LSS: variants seen among roughly 807,000 people sequenced by gnomAD.
LSS encodes lanosterol synthase, also known as 2,3-epoxysqualene-lanosterol cyclase.
LSS carries 90 observed loss-of-function variants against 110.3 expected under a neutral mutation model. The observed-to-expected ratio is 0.82, with a 90% CI of 0.69 to 0.97. The LOEUF is 0.97. Ranked by LOEUF, LSS falls within the 50% of genes least tolerant of loss-of-function variation. The pLI is 0.00. For missense variants in LSS, 927 were observed against 990.0 expected (o/e 0.94, Z 0.85); for synonymous variants, 433 against 400.0 (o/e 1.08, Z -0.98).
intron 10 of LSS, 109 bp from the exon 11 acceptor site, chr21:46,213,161 C>T (rs2080156374): frequency 2.8e-6 from 3 of 1,053,656 alleles, no homozygotes; most frequent in Non-Finnish European, 4.3e-6. Context: ...TGTCCCCTCC[C>T]GAGGCCTGGC....
Position 46,209,687 on chromosome 21 carries a change from G to C in LSS, c.1195-62C>G, listed in dbSNP as rs915603324. Reference sequence around the variant, plus strand: ...CTTGCACGGCCAGCATGGCTGCGCTGGTTTCCCGATGGTCCTGGCCACATC... The same window carrying C: ...CTTGCACGGCCAGCATGGCTGCGCTCGTTTCCCGATGGTCCTGGCCACATC... On this transcript the variant is annotated intron_variant, in intron 12 of 21. Transcript: ENST00000397728. The surrounding 1 kb of genome is among the most constrained non-coding windows in gnomAD (Gnocchi z 4.4). The C allele has an allele frequency of 6.9e-7, 1 of 1,449,238 alleles. No individual in the cohort carries two copies. The highest frequency in any genetic ancestry group is 1.9e-5 in the Admixed American group (1 of 52,516). The allele number at this position is 1,449,238 out of a possible 1,614,324, so 89.8% of individuals were successfully genotyped here. A position where few individuals can be genotyped will look rare whatever the true frequency, so the allele number is the denominator to read the frequency against.
intron 20 of LSS, chr21:46,193,630 T>C (rs746450943): frequency 2.3e-6 from 1 of 444,302 alleles, no homozygotes; most frequent in South Asian, 1.6e-5. Flanking sequence ...CATAGACCTG[T>C]GTGTGCATCT....
chr21:46,200,582 G>T (rs2079966444), intron 17 of LSS, among the ~76,000 whole-genome samples: 1 of 151,466 alleles, frequency 6.6e-6, no homozygotes, highest in African/African-American at 2.4e-5. Flanking sequence ...AAAACACTGA[G>T]GATATTCTAC....
intron 4 of LSS, chr21:46,222,388 CAT>C (rs1453197487): frequency 2.5e-5 from 14 of 562,804 alleles, no homozygotes; most frequent in Non-Finnish European, 4.4e-5. Flanking sequence ...ACAGTTTTCA[CAT>C]GTGGGTCTCA....
intron 6 of LSS, among the ~76,000 whole-genome samples, chr21:46,217,256 AAG>A (rs869244964): frequency 0.27 from 34,406 of 125,822 alleles, 5,342 homozygotes; most frequent in Admixed American, 0.39. Context: ...AAAAAAAAAA[AAG>A]AAAAGAAAAA....
At chr21:46,212,925 C>A in intron 11 of LSS, 100 bp downstream of exon 11, 1 of 1,442,264 alleles carries the variant, frequency 6.9e-7, no homozygotes, top group Non-Finnish European at 9.7e-7. Flanking sequence ...GCTGCCGGGA[C>A]CTGGTCCAGG....
At position 46,196,230 on chromosome 21, in the gene LSS, G is replaced by C. The variant is rs1457950306; in HGVS notation, c.1708C>G (p.Gln570Glu). The C allele has an allele frequency of 1.9e-6, 3 of 1,614,024 alleles. No individual in the cohort carries two copies. In the East Asian group the frequency reaches 6.7e-5, roughly 36 times the overall value. The change falls in exon 18 of 22, where the codon CAG becomes GAG. Residue 570 changes from glutamine (Q) to glutamate (E), a missense_variant. Transcript: ENST00000397728. ...LTQGLEFCRR[Q>E]QRADGSWEGS... The stretch of plus-strand genomic sequence containing the variant: ...TCCCAGGAGCCATCGGCCCTCTGCT[G>C]CCGCCGACAGAACTCTAAGCCCTGC...
Position 46,216,206 on chromosome 21 carries a change from C to T in LSS, c.783+183G>A, listed in dbSNP as rs997599823. Among the ~76,000 whole-genome samples, 3 of 152,216 alleles carry T rather than the reference C, an allele frequency of 2.0e-5. No individual in the cohort carries two copies. The highest frequency in any genetic ancestry group is 2.0e-4 in the Admixed American group (3 of 15,292). On this transcript the variant is annotated intron_variant, in intron 7 of 21. Transcript: ENST00000397728. This position sits in a 1 kb window ranked among gnomAD's most constrained non-coding sequence, Gnocchi z 4.2. ...CTGACTGTCCCATAGCACAAGTCCCCTCTGGGCAGAGCTTGCTCACTGTTT... is the reference window on the plus strand; with the variant it reads ...CTGACTGTCCCATAGCACAAGTCCCTTCTGGGCAGAGCTTGCTCACTGTTT...
At chr21:46,197,959 G>A (rs1402393707) in intron 17 of LSS, among the ~76,000 whole-genome samples, 3 of 151,738 alleles carry the variant, frequency 2.0e-5, no homozygotes, top group East Asian at 3.9e-4. Context: ...TACTAAGGTC[G>A]ATCTCAGAAA....
intron 14 of LSS, 109 bp from the exon 15 acceptor site, chr21:46,207,686 C>T (rs2080071323): frequency 1.5e-6 from 2 of 1,293,736 alleles, no homozygotes; most frequent in African/African-American, 1.5e-5. Flanking sequence ...CCGGTCAGGG[C>T]AGGGGCCCAG....
Position 46,213,106 on chromosome 21 carries a change from C to G in LSS, c.1110-54G>C, listed in dbSNP as rs940696659. 12 of 1,570,520 alleles carry G rather than the reference C, an allele frequency of 7.6e-6. No homozygotes were observed. In the African/African-American group the frequency reaches 1.6e-4, roughly 21 times the overall value. On this transcript the variant is annotated intron_variant, in intron 10 of 21. Transcript: ENST00000397728. Reference sequence around the variant, plus strand: ...TGCAAGGAGAAAGCTGGAAGCCCAGCTGCTACCCAGACCCTGCACTCAGGA... The same window carrying G: ...TGCAAGGAGAAAGCTGGAAGCCCAGGTGCTACCCAGACCCTGCACTCAGGA...
In LSS at chr21:46,225,913, C is replaced by T. The variant is rs185547364; in HGVS notation, c.319+1639G>A. On this transcript the variant is annotated intron_variant, in intron 3 of 21. Coordinates refer to ENST00000397728, the MANE Select transcript of LSS (RefSeq NM_002340.6). The stretch of plus-strand genomic sequence containing the variant: ...GTTTCCACGTCTTGGTGGTAGTGGT[C>T]CCCCGGGCCCAGCTGTCTTTTCTTT... Among the ~76,000 whole-genome samples, 1,302 of 152,208 alleles carry T rather than the reference C, an allele frequency of 8.6e-3. 16 individuals are homozygous for T. The highest frequency in any genetic ancestry group is 0.03 in the African/African-American group (1,246 of 41,518).
chr21:46,216,673 T>C lies in LSS; in HGVS notation c.648-149A>G. On this transcript the variant is annotated intron_variant, in intron 6 of 21. Transcript: ENST00000397728. This position sits in a 1 kb window ranked among gnomAD's most constrained non-coding sequence, Gnocchi z 4.2. The stretch of plus-strand genomic sequence containing the variant: ...TGCATCTGCGGGCATTTCCCAACCG[T>C]GCTCCTGAGGGGCACAGTTGAACCA... 1 of 1,068,522 alleles carries C rather than the reference T, an allele frequency of 9.4e-7. No individual in the cohort carries two copies. Among genetic ancestry groups the C allele is most frequent in the Non-Finnish European group, 1.3e-6 (1 of 766,102 alleles). 66.2% of individuals were successfully genotyped at this position (1,068,522 alleles called of 1,614,324 possible).
Position 46,206,735 on chromosome 21 carries a change from C to T in LSS, c.1501G>A (p.Ala501Thr), listed in dbSNP as rs1164606337. Residue 501 changes from alanine to threonine, a missense_variant, in exon 16 of 22, where the codon GCC becomes ACC. Transcript: ENST00000397728. ...CCCCCACGCTTGGTCTCATAGGTGG[C>T]GAACCCTCCATCTGGATTTCTCATG... Reference protein sequence around the residue: ...LNMRNPDGGFATYETKRGGHL... With the variant: ...LNMRNPDGGFTTYETKRGGHL... 3.7e-6 allele frequency: 6 copies of T among 1,612,646 alleles called. No homozygotes were observed. Among genetic ancestry groups the T allele is most frequent in the Admixed American group, 1.7e-5 (1 of 60,018 alleles).
intron 6 of LSS, among the ~76,000 whole-genome samples, chr21:46,219,066 G>A (rs2080242016): frequency 6.6e-6 from 1 of 152,164 alleles, no homozygotes; most frequent in Non-Finnish European, 1.5e-5. Flanking sequence ...TGAGTCCACA[G>A]GTGAGGTGTC....
In LSS at chr21:46,205,869, T is replaced by C. The variant is rs1483440787; in HGVS notation, c.1637A>G (p.Lys546Arg). 6.8e-6 allele frequency: 11 copies of C among 1,610,478 alleles called. No homozygotes were observed. In the Admixed American group the frequency reaches 1.7e-4, roughly 25 times the overall value. The change falls in exon 17 of 22, where the codon AAG (lysine) becomes AGG (arginine). Residue 546 changes from lysine to arginine, a missense_variant. By Grantham distance (26) the Lys-to-Arg change is conservative. Transcript: ENST00000397728. ...AVMQALKYFH[K>R]RFPEHRAAEI... ...CGCTGCCCTGTGCTCCGGGAAACGC[T>C]TGTGGAAATACTTAAGCGCCTGCAT...
At position 46,189,712 on chromosome 21, in the gene LSS, G is replaced by A; in HGVS notation, c.*1392C>T. 2.2e-6 allele frequency: 1 copy of A among 456,876 alleles called. No homozygotes were observed. Among genetic ancestry groups the A allele is most frequent in the South Asian group, 1.5e-5 (1 of 64,564 alleles). 28.3% of individuals were successfully genotyped at this position (456,876 alleles called of 1,614,324 possible). ...GGGAGAGTGATCAGCCAGGGGGAGA[G>A]GCCAGGGACTGCTACCTGCCCAGAA... On this transcript the variant is annotated 3_prime_UTR_variant, in exon 22 of 22. Coordinates refer to ENST00000397728, the MANE Select transcript of LSS (RefSeq NM_002340.6).
rs1278490207 is a variant in LSS at position 46,228,417 on chromosome 21, C to A, written c.180+17G>T. 2.5e-6 allele frequency: 4 copies of A among 1,599,504 alleles called. No individual in the cohort carries two copies. The East Asian group carries it at 9.0e-5, about 36-fold the overall frequency. On this transcript the variant is annotated intron_variant, in intron 2 of 21. Coordinates refer to ENST00000397728, the MANE Select transcript of LSS (RefSeq NM_002340.6). ...TCAGGGTCCCGAGCTCGCTGACGCT[C>A]CGCGGAAGCAACTTACGGTGTCCAG...
rs763122111 is a variant in LSS at position 46,213,757 on chromosome 21, T to C, written c.1090A>G (p.Arg364Gly). 3.1e-6 allele frequency: 5 copies of C among 1,613,924 alleles called. No individual in the cohort carries two copies. The Admixed American group carries it at 6.7e-5, about 22-fold the overall frequency. ...ACTCACCAGAGATAGTCCGGGATTC[T>C]GGAGACATGCTCCTGGAAGGCAGTG... ...ASTAFQEHVS[R>G]IPDYLWMGLD... is the part of the protein sequence containing the mutation. The change falls in exon 10 of 22, where the codon AGA (arginine) becomes GGA (glycine). Residue 364 changes from arginine to glycine, a missense_variant. Arg to Gly is a moderately radical substitution (Grantham distance 125). Coordinates refer to ENST00000397728, the MANE Select transcript of LSS (RefSeq NM_002340.6).
Sources: gnomAD v4.1 joint callset for allele counts (sites outside exome capture counted in the v4.1 genomes callset) on GRCh38, gnomAD v4.1.1 for gene constraint, Gnocchi (gnomAD v3.1) non-coding constraint, MANE v1.5 for transcripts, NCBI Gene and HGNC (gene_info 2026-07-23, HGNC 2026-07-21) for gene names.